Variants in DCHS1 observed in about 807,000 individuals in gnomAD.
DCHS1 encodes the protein dachsous cadherin-related 1, also known as protocadherin-16.
A neutral mutation model predicts 213.9 loss-of-function variants in DCHS1; 78 were observed. The observed-to-expected ratio is 0.36, with a 90% confidence interval of 0.30 to 0.44. The LOEUF (loss-of-function observed/expected upper bound fraction) is 0.44, where lower values mean the gene tolerates loss of function less well. DCHS1 is among the 20% of genes least tolerant of loss of function. The pLI is 1.00. For missense variants in DCHS1, 3,946 were observed against 4,395.9 expected (o/e 0.90, Z 2.89); for synonymous variants, 1,828 against 1,873.7 (o/e 0.98, Z 0.63).
At chr11:6,631,572 T>G in intron 7 of DCHS1, 44 bp downstream of exon 7, 1 of 1,548,806 alleles carries the variant, frequency 6.5e-7, no homozygotes, top group Non-Finnish European at 8.7e-7. Context: ...AGATCCCCAC[T>G]CCCTCTCACA....
At position 6,623,346 on chromosome 11, in the gene DCHS1, T is replaced by C; in HGVS notation, c.8330A>G (p.His2777Arg). 6.3e-7 allele frequency: 1 copy of C among 1,596,610 alleles called. No homozygotes were observed. The highest frequency in any genetic ancestry group is 1.7e-5 in the Admixed American group (1 of 57,582). The stretch of plus-strand genomic sequence containing the variant: ...CACCAGCAGCCGGAAGCTTTCTGTG[T>C]GCTCATAGTCAAAGGGCACTCGCGC... ...LRARVPFDYE[H>R]TESFRLLVGA... is the part of the protein sequence containing the mutation. The change falls in exon 21 of 21, where the codon CAC (histidine) becomes CGC (arginine). Residue 2777 changes from histidine (H) to arginine (R), a missense_variant. Physicochemically the swap from His to Arg is conservative, Grantham distance 29. Coordinates refer to ENST00000299441, the MANE Select transcript of DCHS1 (RefSeq NM_003737.4).
intron 1 of DCHS1, among the ~76,000 whole-genome samples, chr11:6,649,285 G>A (rs965612583): frequency 2.0e-5 from 3 of 151,836 alleles, no homozygotes; most frequent in Admixed American, 2.0e-4. Context: ...GGCTCGGGAT[G>A]CTCTGATAAA....
chr11:6,633,934 A>C lies in DCHS1; in HGVS notation c.2073T>G (p.Ala691=). The C allele has an allele frequency of 6.8e-6, 11 of 1,614,032 alleles. No homozygotes were observed. The highest frequency in any genetic ancestry group is 8.5e-6 in the Non-Finnish European group (10 of 1,179,898). The change falls in exon 4 of 21, where the codon GCT becomes GCG. Residue 691 remains alanine, a synonymous_variant. Coordinates refer to ENST00000299441, the MANE Select transcript of DCHS1 (RefSeq NM_003737.4). ...GTGGACTCTGGGCACTTATACTGGC[A>C]GCATACTCCCGTGGATAAAACTGAG... is the stretch of plus-strand genomic sequence containing the variant. ...NPPQFYPREY[A]ASISAQSPPG...
At chr11:6,631,261 C>T in intron 8 of DCHS1, 50 bp downstream of exon 8, 2 of 1,613,830 alleles carry the variant, frequency 1.2e-6, no homozygotes, top group Non-Finnish European at 1.7e-6. Context: ...GCTGGGCAGG[C>T]CATGAGGGCA....
intron 1 of DCHS1, among the ~76,000 whole-genome samples, chr11:6,645,082 G>T (rs1295086197): frequency 6.6e-6 from 1 of 152,234 alleles, no homozygotes; most frequent in Non-Finnish European, 1.5e-5. Flanking sequence ...GTGGGGTTTT[G>T]TGAAAATTAG....
In DCHS1 at chr11:6,632,431, T is replaced by A. The variant is rs550029967; in HGVS notation, c.3081A>T (p.Pro1027=). ...TQVLQVQAQA[P]DGGPITYHLA... ...GGTGATAGGTGATAGGGCCCCCATC[T>A]GGTGCTTGGGCCTGCACTTGCAGGA... is the stretch of plus-strand genomic sequence containing the variant. The change falls in exon 6 of 21, where the codon CCA becomes CCT. Residue 1027 remains proline (P), a synonymous_variant. Coordinates refer to ENST00000299441, the MANE Select transcript of DCHS1 (RefSeq NM_003737.4). This position sits in a 1 kb window ranked among gnomAD's most constrained non-coding sequence, Gnocchi z 5.9. The A allele has an allele frequency of 5.5e-5, 88 of 1,609,624 alleles. 1 individual carries two copies. In the South Asian group the frequency reaches 9.6e-4, roughly 18 times the overall value.
intron 1 of DCHS1, among the ~76,000 whole-genome samples, chr11:6,642,359 A>T (rs1856091352): frequency 6.6e-6 from 1 of 152,212 alleles, no homozygotes; most frequent in Non-Finnish European, 1.5e-5. Flanking sequence ...GGAGTTGAAC[A>T]AGTAATTACA....
In DCHS1 at chr11:6,655,629, C is replaced by A; in HGVS notation, c.-187G>T. ...GTCCGGCCGCGGTCAGCCCCCCGGG[C>A]AGCGCCCGCTCGCGCGGGGCCTGAG... On this transcript the variant is annotated 5_prime_UTR_variant, in exon 1 of 21. Coordinates refer to ENST00000299441, the MANE Select transcript of DCHS1 (RefSeq NM_003737.4). The A allele has an allele frequency of 1.0e-6, 1 of 978,656 alleles. No individual in the cohort carries two copies. Among genetic ancestry groups the A allele is most frequent in the Non-Finnish European group, 1.2e-6 (1 of 826,782 alleles). 60.6% of individuals were successfully genotyped at this position (978,656 alleles called of 1,614,324 possible).
Position 6,640,519 on chromosome 11 carries a change from G to C in DCHS1, c.1095C>G (p.Ile365Met). The change falls in exon 2 of 21, where the codon ATC becomes ATG. Residue 365 changes from isoleucine to methionine, a missense_variant. Coordinates refer to ENST00000299441, the MANE Select transcript of DCHS1 (RefSeq NM_003737.4). The surrounding 1 kb of genome is among the most constrained non-coding windows in gnomAD (Gnocchi z 6.5). Reference sequence around the variant, plus strand: ...GGGGGGAGCCATCTGCACTGAGAAAGATGACAGTCATGGAGGGCTGATTGT... The same window carrying C: ...GGGGGGAGCCATCTGCACTGAGAAACATGACAGTCATGGAGGGCTGATTGT... ...ANDNQPSMTVIFLSADGSPQV... is the reference protein window; with the variant it reads ...ANDNQPSMTVMFLSADGSPQV... 3 of 1,612,408 alleles carry C rather than the reference G, an allele frequency of 1.9e-6. No individual in the cohort carries two copies. The highest frequency in any genetic ancestry group is 2.5e-6 in the Non-Finnish European group (3 of 1,179,890).
chr11:6,631,643 T>C lies in DCHS1; in HGVS notation c.3648A>G (p.Gly1216=). ...DNSPTFLQAS[G]AAGGGLPIQV... Reference sequence around the variant, plus strand: ...GTATAGGGAGGCCCCCACCAGCAGCTCCTGAAGCCTGCAGGAACGTGGGGC... The same window carrying C: ...GTATAGGGAGGCCCCCACCAGCAGCCCCTGAAGCCTGCAGGAACGTGGGGC... Residue 1216 remains glycine (G), a synonymous_variant, in exon 7 of 21, where the codon GGA becomes GGG. Transcript: ENST00000299441. 1 of 1,591,498 alleles carries C rather than the reference T, an allele frequency of 6.3e-7. No homozygotes were observed. Among genetic ancestry groups the C allele is most frequent in the Non-Finnish European group, 8.6e-7 (1 of 1,168,850 alleles).
At position 6,621,436 on chromosome 11, in the gene DCHS1, T is replaced by C. The variant is rs1022853381; in HGVS notation, c.*343A>G. 5.0e-6 allele frequency: 2 copies of C among 399,420 alleles called. No homozygotes were observed. The highest frequency in any genetic ancestry group is 2.1e-5 in the South Asian group (1 of 46,592). 24.7% of individuals were successfully genotyped at this position (399,420 alleles called of 1,614,324 possible). On this transcript the variant is annotated 3_prime_UTR_variant, in exon 21 of 21. Coordinates refer to ENST00000299441, the MANE Select transcript of DCHS1 (RefSeq NM_003737.4). ...AACCCAAAGGAGCTGGGTCCAAACA[T>C]GTTGGAGGGACCTCCTCCATCCCCC...
rs1421103779 is a variant in DCHS1, at chr11:6,622,607, G to A, written c.9069C>T (p.Gly3023=). ...PGAGGPYPRG[G]SLDPSHSSGR... is the part of the protein sequence containing the mutation. ...CACTTGAATGTGAAGGGTCCAAGGA[G>A]CCACCACGGGGGTAGGGTCCTCCAG... Residue 3023 remains glycine (G), a synonymous_variant, in exon 21 of 21, where the codon GGC becomes GGT. Transcript: ENST00000299441. This position sits in a 1 kb window ranked among gnomAD's most constrained non-coding sequence, Gnocchi z 5.4. 1.3e-6 allele frequency: 2 copies of A among 1,581,194 alleles called. No homozygotes were observed. Among genetic ancestry groups the A allele is most frequent in the Non-Finnish European group, 1.7e-6 (2 of 1,164,364 alleles).
rs188153920 is a variant in DCHS1, at chr11:6,640,911, G to A, written c.703C>T (p.Arg235Trp). The A allele has an allele frequency of 5.1e-5, 82 of 1,613,718 alleles. 1 individual carries two copies. Among genetic ancestry groups the A allele is most frequent in the Middle Eastern group, 4.9e-4 (3 of 6,062 alleles). Residue 235 changes from arginine (R) to tryptophan (W), a missense_variant, in exon 2 of 21, where the codon CGG becomes TGG. By Grantham distance (101) the Arg-to-Trp change is moderately radical (BLOSUM62 -3). Coordinates refer to ENST00000299441, the MANE Select transcript of DCHS1 (RefSeq NM_003737.4). This position sits in a 1 kb window ranked among gnomAD's most constrained non-coding sequence, Gnocchi z 6.5. ...LEAYDGGSPP[R>W]RAQALLDVTL... ...ACGTCCAGCAGGGCCTGGGCCCTCC[G>A]GGGGGGTGAACCACCATCATAGGCC...
In DCHS1 at chr11:6,626,286, G is replaced by C. The variant is rs749899897; in HGVS notation, c.6459C>G (p.Ala2153=). 54 of 1,613,228 alleles carry C rather than the reference G, an allele frequency of 3.3e-5. No homozygotes were observed. The South Asian group carries it at 5.8e-4, about 17-fold the overall frequency. The part of the protein sequence containing the change: ...VLQAESGGAF[A]FTVLTLTLQD... ...GCAGGGTCAGGGTCAGCACAGTGAA[G>C]GCAAAGGCTCCTCCACTCTCTGCCT... The change falls in exon 16 of 21, where the codon GCC becomes GCG. Residue 2153 remains alanine, a synonymous_variant. Coordinates refer to ENST00000299441, the MANE Select transcript of DCHS1 (RefSeq NM_003737.4). The surrounding 1 kb of genome is among the most constrained non-coding windows in gnomAD (Gnocchi z 5.2).
In DCHS1 at chr11:6,623,059, C is replaced by T; in HGVS notation, c.8617G>A (p.Asp2873Asn). Residue 2873 changes from aspartate to asparagine, a missense_variant, in exon 21 of 21, where the codon GAC becomes AAC. Physicochemically the swap from Asp to Asn is conservative, Grantham distance 23. Coordinates refer to ENST00000299441, the MANE Select transcript of DCHS1 (RefSeq NM_003737.4). ...GTTCCGCTGCCTGGTGCCCGACTGT[C>T]CACCCGCAGGTACAGGGCTCCTGTA... ...QTTGALYLRV[D>N]SRAPGSGTAT... 1 of 1,582,582 alleles carries T rather than the reference C, an allele frequency of 6.3e-7. No homozygotes were observed. Among genetic ancestry groups the T allele is most frequent in the Non-Finnish European group, 8.6e-7 (1 of 1,164,588 alleles).
chr11:6,650,844 A>G (rs1204478805), intron 1 of DCHS1, among the ~76,000 whole-genome samples: 1 of 152,180 alleles, frequency 6.6e-6, no homozygotes, highest in Non-Finnish European at 1.5e-5. Context: ...TAACTGAATG[A>G]AAGATAAAGT....
Position 6,623,008 on chromosome 11 carries a change from T to C in DCHS1, c.8668A>G (p.Thr2890Ala). Residue 2890 changes from threonine (T) to alanine (A), a missense_variant, in exon 21 of 21, where the codon ACC (threonine) becomes GCC (alanine). Transcript: ENST00000299441. Reference protein sequence around the residue: ...GTATSGGGGRTRREAPRELRL... With the variant: ...GTATSGGGGRARREAPRELRL... ...AGCTCCCGTGGTGCTTCCCGCCGGG[T>C]CCGGCCCCCACCCCCAGAGGTGGCT... 1 of 1,571,194 alleles carries C rather than the reference T, an allele frequency of 6.4e-7. No individual in the cohort carries two copies. The highest frequency in any genetic ancestry group is 1.2e-5 in the South Asian group (1 of 85,768).
Position 6,629,518 on chromosome 11 carries a change from C to G in DCHS1, c.5095G>C (p.Asp1699His). ...VSSESFSLDP[D>H]TGVLTTLRAL... The stretch of plus-strand genomic sequence containing the variant: ...CGAAGAGTCGTGAGAACACCAGTGT[C>G]AGGATCCAGAGAAAAGCTTTCGCTA... Residue 1699 changes from aspartate to histidine, a missense_variant, in exon 12 of 21, where the codon GAC becomes CAC. This residue lies in a region of DCHS1 where 3,384 missense variants were observed against 3,780.1 expected (regional missense o/e 0.90). Transcript: ENST00000299441. The G allele has an allele frequency of 6.2e-7, 1 of 1,613,300 alleles. No individual in the cohort carries two copies. The highest frequency in any genetic ancestry group is 2.2e-5 in the East Asian group (1 of 44,894).
intron 2 of DCHS1, among the ~76,000 whole-genome samples, chr11:6,635,379 C>G (rs1444088582): frequency 6.6e-6 from 1 of 152,180 alleles, no homozygotes; most frequent in Non-Finnish European, 1.5e-5. Context: ...ATTGGGTACA[C>G]ATTAGGCCCT....
Sources: allele counts gnomAD v4.1 joint callset (sites outside exome capture counted in the v4.1 genomes callset), GRCh38; gene constraint gnomAD v4.1.1; regional missense constraint gnomAD v4.1.1; non-coding constraint Gnocchi (gnomAD v3.1); transcripts MANE v1.5; gene names NCBI Gene and HGNC (gene_info 2026-07-23, HGNC 2026-07-21).